Variants in METTL9 observed in about 807,000 individuals in gnomAD.
METTL9 encodes the protein methyltransferase 9, His-X-His N1(pi)-histidine.
A neutral mutation model predicts 36.0 loss-of-function variants in METTL9; 10 were observed. The ratio of observed to expected loss-of-function variants is 0.28; its 90% CI spans 0.17 to 0.47. The LOEUF is 0.47. METTL9 is among the 20% of genes least tolerant of loss of function. METTL9 has a pLI of 0.99. For missense variants in METTL9, 246 were observed against 383.5 expected, an observed-to-expected ratio of 0.64 and a Z score of 3.00; for synonymous variants, 175 against 149.7, an observed-to-expected ratio of 1.17 and a Z score of -1.23.
At chr16:21,651,555 G>GCC (rs1008951847) in intron 4 of METTL9, among the ~76,000 whole-genome samples, 3 of 151,868 alleles carry the variant, frequency 2.0e-5, no homozygotes, top group African/African-American at 7.3e-5. Flanking sequence ...TCTCACCTTG[G>GCC]CCCCCAAAGT....
At chr16:21,643,675 T>C in intron 4 of METTL9, 2 of 942,966 alleles carry the variant, frequency 2.1e-6, no homozygotes. Flanking sequence ...CATGCCCTAA[T>C]AAGATTAAAC....
chr16:21,646,845 G>A, intron 4 of METTL9: 1 of 397,396 alleles, frequency 2.5e-6, no homozygotes, highest in Non-Finnish European at 4.8e-6. Flanking sequence ...GAGTAGAGAT[G>A]GGGTTTCACC....
upstream of METTL9, chr16:21,599,479 C>G (rs548510747): frequency 8.4e-7 from 1 of 1,184,344 alleles, no homozygotes; most frequent in South Asian, 3.4e-5. The surrounding 1 kb of genome is among the most constrained non-coding windows in gnomAD (Gnocchi z 4.4). Flanking sequence ...GCGACGCGGC[C>G]GCTCGTAAGT....
chr16:21,655,774 A>G lies in METTL9; in HGVS notation c.*342A>G, dbSNP rs1966693889. ...GCAATAGTCACGACTTCATGGAACC[A>G]ATCAATGGATTGTTTTTTGAAGACT... On this transcript the variant is annotated 3_prime_UTR_variant, in exon 5 of 5. Transcript: ENST00000358154. The G allele has an allele frequency of 9.8e-6, 2 of 204,802 alleles. No homozygotes were observed. Among genetic ancestry groups the G allele is most frequent in the East Asian group, 2.4e-4 (2 of 8,468 alleles). 12.7% of individuals were successfully genotyped at this position (204,802 alleles called of 1,614,324 possible).
At chr16:21,623,309 G>A (rs1255782936) in intron 3 of METTL9, among the ~76,000 whole-genome samples, 1 of 152,114 alleles carries the variant, frequency 6.6e-6, no homozygotes, top group African/African-American at 2.4e-5. Flanking sequence ...GCAGCTAAGT[G>A]CTTTGTGTTT....
At chr16:21,610,415 T>G (rs966983307) in intron 1 of METTL9, among the ~76,000 whole-genome samples, 1 of 152,246 alleles carries the variant, frequency 6.6e-6, no homozygotes, top group African/African-American at 2.4e-5. Context: ...GACATTTGAC[T>G]TGTTTGCAGT....
chr16:21,647,494 T>C, intron 4 of METTL9: 1 of 1,605,014 alleles, frequency 6.2e-7, no homozygotes, highest in Non-Finnish European at 8.5e-7. Context: ...CCACAGCACC[T>C]GTGGGAGGAA....
intron 4 of METTL9, among the ~76,000 whole-genome samples, chr16:21,625,758 G>T (rs1292639226): frequency 6.6e-6 from 1 of 152,006 alleles, no homozygotes; most frequent in Admixed American, 6.6e-5. Context: ...TTAAGTTATA[G>T]TTTTAGTTTG....
At chr16:21,646,283 A>C (rs377239080) in intron 4 of METTL9, 5 of 152,302 alleles carry the variant, frequency 3.3e-5, no homozygotes, top group South Asian at 4.1e-4. Context: ...GGTTTTATCA[A>C]ATCTCAGGAA....
At chr16:21,643,201 C>G (rs747389296) in intron 4 of METTL9, 1 of 1,389,070 alleles carries the variant, frequency 7.2e-7, no homozygotes. Context: ...GGAATATAAG[C>G]GATGATAACG....
intron 4 of METTL9, among the ~76,000 whole-genome samples, chr16:21,637,581 T>G (rs1346005080): frequency 6.6e-6 from 1 of 152,250 alleles, no homozygotes; most frequent in Non-Finnish European, 1.5e-5. Context: ...TTGTGGCACC[T>G]AGCCTGGGCA....
At chr16:21,603,012 A>G (rs186401812) in intron 1 of METTL9, among the ~76,000 whole-genome samples, 5 of 152,312 alleles carry the variant, frequency 3.3e-5, no homozygotes, top group Admixed American at 1.3e-4. Flanking sequence ...CCTGTGGTCT[A>G]TGAGCTCCCT....
At chr16:21,613,552 C>G (rs1965485304) in intron 2 of METTL9, among the ~76,000 whole-genome samples, 1 of 152,082 alleles carries the variant, frequency 6.6e-6, no homozygotes, top group Admixed American at 6.5e-5. Flanking sequence ...CACAAAGTAG[C>G]AAGACTCCTG....
chr16:21,626,159 C>T (rs542296093), intron 4 of METTL9, among the ~76,000 whole-genome samples: 1 of 152,258 alleles, frequency 6.6e-6, no homozygotes, highest in East Asian at 1.9e-4. Context: ...CTGTCTCTGC[C>T]TCCCAAAATG....
At chr16:21,598,521 G>A (rs1386146478), upstream of METTL9, among the ~76,000 whole-genome samples, 1 of 152,100 alleles carries the variant, frequency 6.6e-6, no homozygotes, top group Non-Finnish European at 1.5e-5. Flanking sequence ...TATTTCTGGT[G>A]CAGTTAAATT....
chr16:21,620,112 C>T (rs962164192), intron 3 of METTL9, among the ~76,000 whole-genome samples: 3 of 152,156 alleles, frequency 2.0e-5, no homozygotes, highest in Admixed American at 6.5e-5. Context: ...GGCACAGCTA[C>T]GCCTTAGAAG....
chr16:21,643,078 T>C (rs769159530), intron 4 of METTL9: 2 of 1,599,348 alleles, frequency 1.3e-6, no homozygotes, highest in East Asian at 4.5e-5. Flanking sequence ...ACTTACAGAT[T>C]GCTGATTTGT....
chr16:21,633,450 A>G (rs1007074458), intron 4 of METTL9, among the ~76,000 whole-genome samples: 1 of 152,170 alleles, frequency 6.6e-6, no homozygotes, highest in African/African-American at 2.4e-5. Context: ...GGTGAGGGCT[A>G]TCCCTAAACC....
chr16:21,636,666 A>G (rs961702886), intron 4 of METTL9, among the ~76,000 whole-genome samples: 1 of 152,166 alleles, frequency 6.6e-6, no homozygotes, highest in African/African-American at 2.4e-5. Context: ...GCCCAGAAGT[A>G]CTGGAAAGGC....
Sources: gnomAD v4.1 joint callset for allele counts (sites outside exome capture counted in the v4.1 genomes callset) on GRCh38, gnomAD v4.1.1 for gene constraint, Gnocchi (gnomAD v3.1) non-coding constraint, MANE v1.5 for transcripts, NCBI Gene and HGNC (gene_info 2026-07-23, HGNC 2026-07-21) for gene names.